Variants in NELL1 observed in about 807,000 individuals in gnomAD.
NELL1 encodes the protein protein kinase C-binding protein NELL1.
In NELL1, 76 loss-of-function variants were observed where a neutral mutation model predicts 107.4. The observed-to-expected ratio is 0.71, with a 90% CI of 0.59 to 0.86. The LOEUF (loss-of-function observed/expected upper bound fraction) is 0.86. Ranked by LOEUF, NELL1 falls within the 40% of genes least tolerant of loss-of-function variation. NELL1 has a pLI of 0.00. For missense variants in NELL1, 1,024 were observed against 1,005.5 expected (o/e 1.02, Z -0.25); for synonymous variants, 353 against 341.2 (o/e 1.03, Z -0.38).
chr11:21,404,247 T>C (rs2226912), intron 15 of NELL1, among the ~76,000 whole-genome samples: 38,184 of 151,716 alleles, frequency 0.25, 5,462 homozygotes, highest in African/African-American at 0.39. Context: ...CATTTGCCTA[T>C]ACTTATATTT....
intron 15 of NELL1, among the ~76,000 whole-genome samples, chr11:21,371,982 A>T (rs1851367142): frequency 6.6e-6 from 1 of 152,092 alleles, no homozygotes; most frequent in Non-Finnish European, 1.5e-5. Context: ...AGGCAGTCTA[A>T]TCCTTTTAAA....
intron 12 of NELL1, among the ~76,000 whole-genome samples, chr11:21,025,101 G>A (rs1285449593): frequency 2.0e-5 from 3 of 152,046 alleles, no homozygotes. Flanking sequence ...AAATTTTTAT[G>A]TATCTTTTAT....
At chr11:21,283,822 G>C (rs1333455994) in intron 14 of NELL1, 1 of 200,850 alleles carries the variant, frequency 5.0e-6, no homozygotes, top group African/African-American at 2.3e-5. Context: ...GCTCTGTGAA[G>C]GCAATTTTCC....
chr11:20,855,719 A>G (rs970888672), intron 4 of NELL1, among the ~76,000 whole-genome samples: 5 of 152,244 alleles, frequency 3.3e-5, no homozygotes, highest in African/African-American at 1.2e-4. Context: ...CAAGGAAAGA[A>G]AGTAAACCAG....
chr11:20,914,385 G>C (rs1850199503), intron 5 of NELL1, among the ~76,000 whole-genome samples: 1 of 152,068 alleles, frequency 6.6e-6, no homozygotes, highest in Non-Finnish European at 1.5e-5. Flanking sequence ...CAGGTCATAG[G>C]TAGATTTAAA....
In NELL1 at chr11:20,967,504, C is replaced by T. The variant is rs114085668; in HGVS notation, c.1300+6944C>T. 5.7e-3 allele frequency among the ~76,000 whole-genome samples: 863 copies of T among 152,206 alleles called. 11 individuals carry two copies. The highest frequency in any genetic ancestry group is 0.02 in the African/African-American group (818 of 41,528). On this transcript the variant is annotated intron_variant, in intron 12 of 19. Coordinates refer to ENST00000357134, the MANE Select transcript of NELL1 (RefSeq NM_006157.5). ...GAATCAGGTACTTTTCTCCCAATTT[C>T]GGGTAAGGGTACATCCACTTAGTTG...
chr11:21,231,255 A>G (rs1858042914), intron 14 of NELL1, among the ~76,000 whole-genome samples: 1 of 152,226 alleles, frequency 6.6e-6, no homozygotes, highest in Admixed American at 6.5e-5. Flanking sequence ...ATGTAAATAC[A>G]TAAAGACTGG....
chr11:21,390,829 T>A (rs1258683166), intron 15 of NELL1, among the ~76,000 whole-genome samples: 1 of 151,880 alleles, frequency 6.6e-6, no homozygotes, highest in East Asian at 2.0e-4. Flanking sequence ...TTTATAATGT[T>A]AATTCCATGA....
chr11:20,957,125 CTG>C (rs1409852737), intron 11 of NELL1, among the ~76,000 whole-genome samples: 1 of 152,086 alleles, frequency 6.6e-6, no homozygotes, highest in Non-Finnish European at 1.5e-5. Context: ...CTAGTGGACA[CTG>C]TGTAAGCAGA....
chr11:21,026,148 G>A (rs1366795447), intron 12 of NELL1, among the ~76,000 whole-genome samples: 1 of 151,902 alleles, frequency 6.6e-6, no homozygotes, highest in Non-Finnish European at 1.5e-5. Flanking sequence ...TCCTAATATG[G>A]TCCTGTTAAA....
intron 13 of NELL1, among the ~76,000 whole-genome samples, chr11:21,161,123 G>A (rs182821622): frequency 7.7e-4 from 116 of 151,134 alleles, no homozygotes; most frequent in Non-Finnish European, 1.5e-3. Context: ...ACAATACCAC[G>A]AAGAGCTCAT....
chr11:21,004,270 A>C (rs1852284024), intron 12 of NELL1, among the ~76,000 whole-genome samples: 1 of 152,166 alleles, frequency 6.6e-6, no homozygotes, highest in Non-Finnish European at 1.5e-5. Flanking sequence ...AGATGTTCAA[A>C]ATGCAGTAAT....
intron 3 of NELL1, among the ~76,000 whole-genome samples, chr11:20,826,135 G>C (rs1217189007): frequency 6.6e-6 from 1 of 151,312 alleles, no homozygotes; most frequent in Admixed American, 6.6e-5. Flanking sequence ...CAGCCATGCT[G>C]AACTGTGTTT....
intron 14 of NELL1, among the ~76,000 whole-genome samples, chr11:21,234,047 G>T (rs927830401): frequency 3.3e-5 from 5 of 152,088 alleles, no homozygotes; most frequent in African/African-American, 1.2e-4. Flanking sequence ...TTACAAAATG[G>T]TATTATCTCG....
intron 15 of NELL1, among the ~76,000 whole-genome samples, chr11:21,467,978 A>G (rs1260284943): frequency 1.3e-5 from 2 of 152,120 alleles, no homozygotes; most frequent in Non-Finnish European, 2.9e-5. Context: ...CTCAAAATAT[A>G]TCTGAACCCC....
chr11:21,008,981 A>G (rs546268119), intron 12 of NELL1, among the ~76,000 whole-genome samples: 4 of 152,270 alleles, frequency 2.6e-5, no homozygotes, highest in African/African-American at 9.6e-5. Context: ...GGATCCAATC[A>G]GGTTCATCAG....
chr11:21,367,453 A>T (rs900010725), intron 14 of NELL1, among the ~76,000 whole-genome samples: 9 of 84,244 alleles, frequency 1.1e-4, no homozygotes, highest in Non-Finnish European at 2.3e-4. Flanking sequence ...TACAAAGGGC[A>T]CTAAGTTAAG....
At chr11:21,218,569 T>C (rs575392995) in intron 13 of NELL1, among the ~76,000 whole-genome samples, 1 of 152,308 alleles carries the variant, frequency 6.6e-6, no homozygotes, top group African/African-American at 2.4e-5. Context: ...TACCCTACAG[T>C]GTTATAGAAC....
At chr11:21,030,227 G>A (rs1470993867) in intron 12 of NELL1, among the ~76,000 whole-genome samples, 2 of 152,152 alleles carry the variant, frequency 1.3e-5, no homozygotes, top group African/African-American at 2.4e-5. Flanking sequence ...TCGGATGTAG[G>A]AACTGTAGAT....
Sources: allele counts gnomAD v4.1 joint callset (sites outside exome capture counted in the v4.1 genomes callset), GRCh38; gene constraint gnomAD v4.1.1; transcripts MANE v1.5; gene names NCBI Gene and HGNC (gene_info 2026-07-23, HGNC 2026-07-21).